The following KCNH7 variants were observed in gnomAD, a reference collection of about 807,000 sequenced individuals.
KCNH7 encodes potassium voltage-gated channel subfamily H member 7.
Under a neutral mutation model 120.8 loss-of-function variants are expected in KCNH7, and 49 were observed. The ratio of observed to expected loss-of-function variants is 0.41; its 90% CI spans 0.32 to 0.51. The LOEUF (loss-of-function observed/expected upper bound fraction) is 0.51, where lower values mean the gene tolerates loss of function less well. KCNH7 is among the 20% of genes least tolerant of loss of function. The probability of loss-of-function intolerance (pLI) is 0.38; values close to 1 mark genes in which losing one functional copy is unlikely to be tolerated. For synonymous variants in KCNH7, 547 were observed against 516.1 expected (o/e 1.06, Z -0.81); for missense variants, 1,097 against 1,446.6 (o/e 0.76, Z 3.92).
At chr2:162,500,051 G>T (rs530608083) in intron 6 of KCNH7, among the ~76,000 whole-genome samples, 57 of 151,380 alleles carry the variant, frequency 3.8e-4, no homozygotes, top group Non-Finnish European at 5.9e-4. Flanking sequence ...GAGACTCAAA[G>T]GCAGAGATTT....
intron 2 of KCNH7, among the ~76,000 whole-genome samples, chr2:162,642,609 C>T (rs981957345): frequency 3.9e-5 from 6 of 152,190 alleles, no homozygotes; most frequent in African/African-American, 1.4e-4. Flanking sequence ...TCATGGAGGA[C>T]CATTTCTGCT....
At chr2:162,731,512 A>G (rs2105392493) in intron 2 of KCNH7, among the ~76,000 whole-genome samples, 1 of 152,034 alleles carries the variant, frequency 6.6e-6, no homozygotes, top group Admixed American at 6.6e-5. Flanking sequence ...CTTGTGCTAC[A>G]GGTATTAATT....
chr2:162,630,645 T>C lies in KCNH7; in HGVS notation c.308-93565A>G, dbSNP rs80031125. Among the ~76,000 whole-genome samples the C allele has an allele frequency of 4.8e-3, 733 of 152,242 alleles. 4 individuals are homozygous for C. The highest frequency in any genetic ancestry group is 0.011 in the Admixed American group (162 of 15,282). On this transcript the variant is annotated intron_variant, in intron 2 of 15. Transcript: ENST00000332142. ...AAACACTGAGTACCAAGTATCCTTT[T>C]TGAGAATATTAATAGATGTTGTTCA...
chr2:162,462,275 G>A (rs564058299), intron 6 of KCNH7, among the ~76,000 whole-genome samples: 34 of 152,172 alleles, frequency 2.2e-4, no homozygotes, highest in Middle Eastern at 3.4e-3. Context: ...CATACTACTC[G>A]ACCATGGTGT....
rs377761906 is a variant in KCNH7 at position 162,698,882 on chromosome 2, G to C, written c.307+137655C>G. On this transcript the variant is annotated intron_variant, in intron 2 of 15. Transcript: ENST00000332142. ...CAAGTTTATGTTTTGTGGCAGAGTA[G>C]ATTTAATTCTGAAATAGTTACTATG... 1.3e-4 allele frequency among the ~76,000 whole-genome samples: 20 copies of C among 152,146 alleles called. No homozygotes were observed. The East Asian group carries it at 3.5e-3, about 26-fold the overall frequency.
chr2:162,702,343 A>G (rs933063582), intron 2 of KCNH7, among the ~76,000 whole-genome samples: 1 of 152,156 alleles, frequency 6.6e-6, no homozygotes, highest in Admixed American at 6.5e-5. Flanking sequence ...GCACAGATAA[A>G]CCACAGTAGT....
chr2:162,606,875 T>C (rs967500132), intron 2 of KCNH7, among the ~76,000 whole-genome samples: 1 of 152,152 alleles, frequency 6.6e-6, no homozygotes, highest in African/African-American at 2.4e-5. Context: ...CAAAATGCTA[T>C]CTTTATTAAG....
chr2:162,693,637 G>A (rs1048183817), intron 2 of KCNH7, among the ~76,000 whole-genome samples: 4 of 152,218 alleles, frequency 2.6e-5, no homozygotes, highest in African/African-American at 9.6e-5. Context: ...ACTGATGGCT[G>A]GATGTCTCAG....
intron 6 of KCNH7, among the ~76,000 whole-genome samples, chr2:162,482,709 G>A (rs939814385): frequency 6.6e-6 from 1 of 152,124 alleles, no homozygotes; most frequent in Non-Finnish European, 1.5e-5. Context: ...TATTATTCAT[G>A]TCTGCTGCTT....
intron 2 of KCNH7, among the ~76,000 whole-genome samples, chr2:162,714,866 G>A (rs1321605964): frequency 2.0e-5 from 3 of 151,816 alleles, no homozygotes; most frequent in African/African-American, 4.8e-5. Flanking sequence ...CTATTCTTAC[G>A]GGCTATATAA....
In KCNH7 at chr2:162,816,206, G is replaced by A. The variant is rs970333771; in HGVS notation, c.307+20331C>T. Among the ~76,000 whole-genome samples the A allele has an allele frequency of 1.2e-4, 16 of 137,668 alleles. No individual in the cohort carries two copies. In the East Asian group the frequency reaches 2.8e-3, roughly 24 times the overall value. The allele number at this position is 137,668 out of a possible 152,430, so 90.3% of individuals were successfully genotyped here. ...CAGGAGGCAGAGATTGAGGTGAGCC[G>A]AGATCGTGCCATTGCACTCCAGCCT... On this transcript the variant is annotated intron_variant, in intron 2 of 15. Transcript: ENST00000332142.
rs151202086 is a variant in KCNH7 at position 162,540,374 on chromosome 2, T to G, written c.308-3294A>C. 3.7e-3 allele frequency among the ~76,000 whole-genome samples: 561 copies of G among 152,198 alleles called. 5 individuals carry two copies. The highest frequency in any genetic ancestry group is 0.011 in the African/African-American group (463 of 41,544). On this transcript the variant is annotated intron_variant, in intron 2 of 15. Coordinates refer to ENST00000332142, the MANE Select transcript of KCNH7 (RefSeq NM_033272.4). ...GAACAGTGCTAATTTTAATAAAATTTTTAGAGTATGTGATTTTTGACTGCA... is the reference window on the plus strand; with the variant it reads ...GAACAGTGCTAATTTTAATAAAATTGTTAGAGTATGTGATTTTTGACTGCA...
chr2:162,397,243 G>T (rs1439688486), intron 10 of KCNH7, among the ~76,000 whole-genome samples: 1 of 151,752 alleles, frequency 6.6e-6, no homozygotes, highest in African/African-American at 2.4e-5. Flanking sequence ...GTACCATAGA[G>T]TATTTTAAAT....
intron 6 of KCNH7, among the ~76,000 whole-genome samples, chr2:162,485,304 GTTATT>G (rs774896139): frequency 2.0e-5 from 3 of 152,048 alleles, no homozygotes; most frequent in Non-Finnish European, 4.4e-5. Flanking sequence ...AAGCTGAGGG[GTTATT>G]TTAATTCATT....
At chr2:162,584,582 G>A (rs1173204378) in intron 2 of KCNH7, among the ~76,000 whole-genome samples, 1 of 152,050 alleles carries the variant, frequency 6.6e-6, no homozygotes, top group African/African-American at 2.4e-5. Context: ...AGCTATGGAA[G>A]GTTGGGGTGG....
chr2:162,835,342 G>A (rs1193821720), intron 2 of KCNH7, among the ~76,000 whole-genome samples: 3 of 151,954 alleles, frequency 2.0e-5, no homozygotes, highest in African/African-American at 7.2e-5. Flanking sequence ...GAAAATAAGA[G>A]TAAGACTGAA....
chr2:162,546,810 T>C (rs1161196380), intron 2 of KCNH7, among the ~76,000 whole-genome samples: 1 of 151,684 alleles, frequency 6.6e-6, no homozygotes, highest in African/African-American at 2.4e-5. Flanking sequence ...TACCAGAAAA[T>C]TGTAAGAGTT....
chr2:162,466,437 G>C (rs189512915), intron 6 of KCNH7, among the ~76,000 whole-genome samples: 28 of 152,238 alleles, frequency 1.8e-4, no homozygotes, highest in African/African-American at 6.3e-4. Context: ...GCCAATCAAA[G>C]GGGGAAAAGC....
intron 2 of KCNH7, among the ~76,000 whole-genome samples, chr2:162,595,588 A>G (rs1429445694): frequency 6.6e-6 from 1 of 152,032 alleles, no homozygotes; most frequent in Non-Finnish European, 1.5e-5. Flanking sequence ...TACAGGCCAT[A>G]TATGACAAGC....
Sources: allele counts gnomAD v4.1 joint callset (sites outside exome capture counted in the v4.1 genomes callset), GRCh38; gene constraint gnomAD v4.1.1; transcripts MANE v1.5; gene names NCBI Gene and HGNC (gene_info 2026-07-23, HGNC 2026-07-21).